The following GPR176 variants were observed in gnomAD, a reference collection of about 807,000 sequenced individuals.
GPR176 encodes the protein G protein-coupled receptor 176.
A neutral mutation model predicts 35.4 loss-of-function variants in GPR176; 26 were observed. The ratio of observed to expected loss-of-function variants is 0.74; its 90% CI spans 0.54 to 1.02. The LOEUF is 1.02. Ranked by LOEUF, GPR176 falls within the 50% of genes least tolerant of loss-of-function variation. The pLI, the probability that GPR176 is intolerant of heterozygous loss-of-function variation, is 0.00. For synonymous variants in GPR176, 278 were observed against 271.3 expected, an observed-to-expected ratio of 1.02 and a Z score of -0.24; for missense variants, 597 against 665.3, an observed-to-expected ratio of 0.90 and a Z score of 1.13.
In GPR176 at chr15:39,829,181, T is replaced by C. The variant is rs1037986004; in HGVS notation, c.173-21923A>G. On this transcript the variant is annotated intron_variant, in intron 1 of 2. Transcript: ENST00000561100. ...ATCACTACGTCACACTGCCTTCTCA[T>C]GAAGAGACAACACCTCACAACGCAA... 3.9e-6 allele frequency: 6 copies of C among 1,532,750 alleles called. No individual in the cohort carries two copies. The African/African-American group carries it at 6.9e-5, about 18-fold the overall frequency. 94.9% of individuals were successfully genotyped at this position (1,532,750 alleles called of 1,614,324 possible).
chr15:39,820,459 AGGAG>A (rs1354282497), intron 1 of GPR176, among the ~76,000 whole-genome samples: 1 of 152,228 alleles, frequency 6.6e-6, no homozygotes, highest in East Asian at 1.9e-4. Context: ...CTCTGTAGGA[AGGAG>A]GGAGAGGGGC....
intron 1 of GPR176, among the ~76,000 whole-genome samples, chr15:39,830,526 G>A (rs1220502842): frequency 1.3e-5 from 2 of 152,154 alleles, no homozygotes; most frequent in African/African-American, 2.4e-5. Context: ...CCCTGGGCAT[G>A]CAGGCAAGTT....
intron 1 of GPR176, among the ~76,000 whole-genome samples, chr15:39,887,632 T>G (rs1214578772): frequency 6.6e-6 from 1 of 151,674 alleles, no homozygotes; most frequent in Non-Finnish European, 1.5e-5. Flanking sequence ...GTCTCCTTTC[T>G]GCTTTTACTT....
chr15:39,854,652 G>A (rs917910713), intron 1 of GPR176, among the ~76,000 whole-genome samples: 1 of 152,122 alleles, frequency 6.6e-6, no homozygotes, highest in African/African-American at 2.4e-5. Flanking sequence ...TCTTGGTAGG[G>A]AGCATAGAAA....
At chr15:39,869,641 TTTTG>T (rs1290344147) in intron 1 of GPR176, among the ~76,000 whole-genome samples, 2 of 152,220 alleles carry the variant, frequency 1.3e-5, no homozygotes, top group East Asian at 1.9e-4. Context: ...CCCTTCATTC[TTTTG>T]TTTCTCTCAA....
chr15:39,871,693 C>T (rs1206424863), intron 1 of GPR176, among the ~76,000 whole-genome samples: 1 of 152,148 alleles, frequency 6.6e-6, no homozygotes, highest in Non-Finnish European at 1.5e-5. Context: ...AAACCCTTTC[C>T]CAAGCTTCCC....
chr15:39,832,400 A>C (rs1901145170), intron 1 of GPR176, among the ~76,000 whole-genome samples: 1 of 152,142 alleles, frequency 6.6e-6, no homozygotes, highest in South Asian at 2.1e-4. Flanking sequence ...AAACTTGCTG[A>C]TTAAAACAAC....
chr15:39,827,750 A>T (rs1329597905), intron 1 of GPR176, among the ~76,000 whole-genome samples: 1 of 152,244 alleles, frequency 6.6e-6, no homozygotes, highest in Non-Finnish European at 1.5e-5. Flanking sequence ...AAACACAATC[A>T]CTTTTGCACC....
At chr15:39,903,631 T>C (rs1011631782) in intron 1 of GPR176, among the ~76,000 whole-genome samples, 1 of 151,998 alleles carries the variant, frequency 6.6e-6, no homozygotes, top group African/African-American at 2.4e-5. Context: ...GTAATGATGA[T>C]GGGCCTCCAA....
chr15:39,908,666 C>A (rs77815267), intron 1 of GPR176, among the ~76,000 whole-genome samples: 3,319 of 152,030 alleles, frequency 0.022, 106 homozygotes, highest in African/African-American at 0.067. Context: ...TCCCCCTACT[C>A]CCTGTGTCTA....
intron 1 of GPR176, chr15:39,829,156 A>ATCACTACG: frequency 6.5e-7 from 1 of 1,530,516 alleles, no homozygotes; most frequent in Non-Finnish European, 8.8e-7. Context: ...CTGGGATGTG[A>ATCACTACG]TCACTACGTC....
chr15:39,846,785 T>G (rs187241707), intron 1 of GPR176, among the ~76,000 whole-genome samples: 1 of 152,004 alleles, frequency 6.6e-6, no homozygotes, highest in East Asian at 1.9e-4. Context: ...AAAGAAAGGA[T>G]TTTTCAAAAA....
chr15:39,880,263 C>G (rs566074363), intron 1 of GPR176, among the ~76,000 whole-genome samples: 6 of 152,316 alleles, frequency 3.9e-5, no homozygotes, highest in African/African-American at 1.4e-4. Context: ...ACTGTCTGGT[C>G]TCTCCCTGCT....
At chr15:39,860,429 G>A (rs765141023) in intron 1 of GPR176, among the ~76,000 whole-genome samples, 12 of 152,224 alleles carry the variant, frequency 7.9e-5, no homozygotes, top group Non-Finnish European at 1.0e-4. Flanking sequence ...AAGGCTGACT[G>A]CTTTCAGTTT....
chr15:39,917,176 G>T (rs1870797810), intron 1 of GPR176, among the ~76,000 whole-genome samples: 1 of 151,808 alleles, frequency 6.6e-6, no homozygotes, highest in Non-Finnish European at 1.5e-5. Context: ...CCAGCTACTT[G>T]GGAGGCTGAG....
intron 1 of GPR176, among the ~76,000 whole-genome samples, chr15:39,874,097 G>A (rs780812321): frequency 7.2e-5 from 11 of 152,218 alleles, no homozygotes; most frequent in Admixed American, 2.0e-4. Flanking sequence ...ACGTAAGTCT[G>A]CAGTCTCTAT....
At chr15:39,805,679 G>A (rs991893052) in intron 2 of GPR176, among the ~76,000 whole-genome samples, 1 of 152,150 alleles carries the variant, frequency 6.6e-6, no homozygotes, top group East Asian at 1.9e-4. Context: ...TAAGGAGCTG[G>A]AGCTGCTCCC....
chr15:39,885,164 T>C (rs1231985984), intron 1 of GPR176, among the ~76,000 whole-genome samples: 1 of 152,112 alleles, frequency 6.6e-6, no homozygotes, highest in Non-Finnish European at 1.5e-5. Context: ...CACACTCTAT[T>C]ATAAAAAAAC....
At chr15:39,897,599 A>ATTTTTTTTTTTTTTTTTTTTTTTT (rs386382791) in intron 1 of GPR176, among the ~76,000 whole-genome samples, 1 of 88,524 alleles carries the variant, frequency 1.1e-5, no homozygotes, top group African/African-American at 4.5e-5. Context: ...ACATCCAAAT[A>ATTTTTTTTTTTTTTTTTTTTTTTT]TTTTTTTTTT....
Sources: allele counts gnomAD v4.1 joint callset (sites outside exome capture counted in the v4.1 genomes callset), GRCh38; gene constraint gnomAD v4.1.1; transcripts MANE v1.5; gene names NCBI Gene and HGNC (gene_info 2026-07-23, HGNC 2026-07-21).